ECI2: variants seen among roughly 807,000 people sequenced by gnomAD.
The protein encoded by ECI2 is D3,D2-enoyl-CoA isomerase.
A neutral mutation model predicts 38.4 loss-of-function variants in ECI2; 27 were observed. The observed-to-expected ratio is 0.70, with a 90% CI of 0.52 to 0.97. ECI2 has a LOEUF of 0.97. Among genes scored for constraint, ECI2 ranks in the 50% least tolerant of loss-of-function variants. The probability of loss-of-function intolerance (pLI) is 0.00; values close to 1 mark genes in which losing one functional copy is unlikely to be tolerated. For synonymous variants in ECI2, 168 were observed against 172.0 expected, an observed-to-expected ratio of 0.98 and a Z score of 0.18; for missense variants, 470 against 474.4, an observed-to-expected ratio of 0.99 and a Z score of 0.09.
At chr6:4,128,177 G>T (rs1199044300) in intron 4 of ECI2, among the ~76,000 whole-genome samples, 1 of 151,462 alleles carries the variant, frequency 6.6e-6, no homozygotes, top group Non-Finnish European at 1.5e-5. Context: ...ATGAGGAGGG[G>T]GTTGGAAAGT....
intron 5 of ECI2, among the ~76,000 whole-genome samples, chr6:4,127,501 G>T (rs1024229653): frequency 7.7e-6 from 1 of 129,706 alleles, no homozygotes; most frequent in Non-Finnish European, 1.5e-5. Flanking sequence ...TGCAAACTTT[G>T]CCTTCCAGGT....
chr6:4,124,855 TCTC>T (rs140626753), intron 7 of ECI2: 138 of 316,366 alleles, frequency 4.4e-4, no homozygotes, highest in African/African-American at 2.6e-3. Flanking sequence ...CACAGGTCCT[TCTC>T]CTTCTAAAAT....
intron 4 of ECI2, 93 bp from the exon 5 acceptor site, chr6:4,127,924 C>T (rs1773282164): frequency 1.6e-6 from 2 of 1,215,694 alleles, no homozygotes; most frequent in Admixed American, 2.2e-5. Flanking sequence ...CAAGCTTGCT[C>T]TCAGCAAAGT....
Position 4,117,464 on chromosome 6 carries a change from G to C in ECI2, c.886-13C>G. ...GCATCTCTGTTGCCTGAAATGAAAA[G>C]CAAGAAGCAAGGTTAAGATACTAAC... On this transcript the variant is annotated splice_polypyrimidine_tract_variant and intron_variant, in intron 8 of 9. Coordinates refer to ENST00000380118, the MANE Select transcript of ECI2 (RefSeq NM_206836.3). 1 of 1,608,550 alleles carries C rather than the reference G, an allele frequency of 6.2e-7. No homozygotes were observed. Among genetic ancestry groups the C allele is most frequent in the African/African-American group, 1.3e-5 (1 of 74,478 alleles).
intron 7 of ECI2, among the ~76,000 whole-genome samples, chr6:4,120,218 G>T (rs1222981077): frequency 6.6e-6 from 1 of 152,048 alleles, no homozygotes; most frequent in Non-Finnish European, 1.5e-5. Context: ...TTAACAATGG[G>T]GATATGTTCT....
At chr6:4,127,966 C>T (rs1400606860) in intron 4 of ECI2, 135 bp from the exon 5 acceptor site, 2 of 749,812 alleles carry the variant, frequency 2.7e-6, no homozygotes, top group Non-Finnish European at 4.1e-6. Flanking sequence ...TATTTTATAA[C>T]CAAAAAGGTG....
chr6:4,128,725 A>G (rs142990451), intron 4 of ECI2, among the ~76,000 whole-genome samples: 1 of 152,352 alleles, frequency 6.6e-6, no homozygotes, highest in African/African-American at 2.4e-5. Flanking sequence ...AATTTAATAT[A>G]GCATTTACAT....
Position 4,127,826 on chromosome 6 carries a change from A to T in ECI2, c.507T>A (p.Tyr169Ter). 1 of 1,612,752 alleles carries T rather than the reference A, an allele frequency of 6.2e-7. No homozygotes were observed. Among genetic ancestry groups the T allele is most frequent in the Non-Finnish European group, 8.5e-7 (1 of 1,179,432 alleles). ...CTTTAAGTGCACGCATAATTTCATGATACATCTGTGTAATGGGAAGACAAG... is the reference window on the plus strand; with the variant it reads ...CTTTAAGTGCACGCATAATTTCATGTTACATCTGTGTAATGGGAAGACAAG... The part of the protein sequence containing the change: ...KKKNAINTEM[Y>*]HEIMRALKAA... The change falls in exon 5 of 10, where the codon TAT becomes TAA. Residue 169 changes from tyrosine to a stop codon, truncating the protein, a stop_gained. Coordinates refer to ENST00000380118, the MANE Select transcript of ECI2 (RefSeq NM_206836.3). LOFTEE classifies it high-confidence loss of function.
At position 4,125,305 on chromosome 6, in the gene ECI2, A is replaced by T. The variant is rs1773073571; in HGVS notation, c.740T>A (p.Val247Glu). The T allele has an allele frequency of 3.1e-6, 5 of 1,614,064 alleles. No individual in the cohort carries two copies. The highest frequency in any genetic ancestry group is 4.2e-6 in the Non-Finnish European group (5 of 1,180,034). Residue 247 changes from valine (V) to glutamate (E), a missense_variant, in exon 7 of 10, where the codon GTG becomes GAG. Transcript: ENST00000380118. ...PLIAVVNGPAVGISVTLLGLF... is the reference protein window; with the variant it reads ...PLIAVVNGPAEGISVTLLGLF... ...CCCAAGGAGGGTGACGGAGATGCCC[A>T]CAGCTGGACCATTGACCACTGCAAT...
intron 7 of ECI2, 145 bp from the exon 8 acceptor site, chr6:4,119,420 A>C: frequency 1.8e-6 from 1 of 555,462 alleles, no homozygotes; most frequent in East Asian, 3.3e-5. Context: ...CCTTGGGTTC[A>C]AGCGATTCTC....
chr6:4,123,986 T>C (rs1177139976), intron 7 of ECI2, among the ~76,000 whole-genome samples: 1 of 151,106 alleles, frequency 6.6e-6, no homozygotes, highest in African/African-American at 2.4e-5. Context: ...ATAAGGATGA[T>C]GTATATTGAA....
At chr6:4,134,395 G>A (rs1011116075) in intron 1 of ECI2, among the ~76,000 whole-genome samples, 2 of 152,136 alleles carry the variant, frequency 1.3e-5, no homozygotes, top group African/African-American at 4.8e-5. Context: ...GCCAGGAACA[G>A]AGCAGAAACA....
intron 9 of ECI2, among the ~76,000 whole-genome samples, chr6:4,116,555 C>A (rs1772288265): frequency 6.6e-6 from 1 of 151,690 alleles, no homozygotes; most frequent in African/African-American, 2.4e-5. Context: ...ATTCTCCCTG[C>A]CTCAGCATCC....
chr6:4,133,043 C>T (rs1309255651), intron 2 of ECI2, among the ~76,000 whole-genome samples: 3 of 152,126 alleles, frequency 2.0e-5, no homozygotes, highest in Non-Finnish European at 4.4e-5. Context: ...GGATTACAGG[C>T]GTGAGCCACC....
intron 1 of ECI2, 156 bp downstream of exon 1, chr6:4,135,355 A>C: frequency 6.7e-7 from 1 of 1,490,980 alleles, no homozygotes; most frequent in African/African-American, 1.4e-5. Flanking sequence ...TGAGGTCGTC[A>C]CTTTTTAGCA....
Position 4,133,699 on chromosome 6 carries a change from G to T in ECI2, c.63C>A (p.Val21=), listed in dbSNP as rs765910773. ...ARRSCPSSLQ[V]TSFPVVQLHM... The stretch of plus-strand genomic sequence containing the variant: ...GCAGCTGAACTACCGGGAAACTAGT[G>T]ACCTGCAGAGAACTACAATTAGGCA... Residue 21 remains valine (V), a synonymous_variant, in exon 2 of 10, where the codon GTC becomes GTA. Transcript: ENST00000380118. 1 of 1,607,726 alleles carries T rather than the reference G, an allele frequency of 6.2e-7. No individual in the cohort carries two copies. Among genetic ancestry groups the T allele is most frequent in the South Asian group, 1.1e-5 (1 of 89,450 alleles).
chr6:4,133,945 G>A (rs991028887), intron 1 of ECI2, among the ~76,000 whole-genome samples: 1 of 152,238 alleles, frequency 6.6e-6, no homozygotes, highest in Non-Finnish European at 1.5e-5. Flanking sequence ...TAACCATCCA[G>A]GGAGGTATCT....
chr6:4,130,679 T>C (rs1364257478), intron 3 of ECI2, 88 bp downstream of exon 3: 1 of 1,602,266 alleles, frequency 6.2e-7, no homozygotes, highest in Non-Finnish European at 8.5e-7. Context: ...CATCAAGATC[T>C]TGAAGACTCC....
At chr6:4,127,857 G>A (rs764171881) in intron 4 of ECI2, 26 bp from the exon 5 acceptor site, 1 of 1,598,308 alleles carries the variant, frequency 6.3e-7, no homozygotes, top group South Asian at 1.1e-5. Context: ...ACAAGGAAAA[G>A]AAAAGAACTC....
Sources: allele counts gnomAD v4.1 joint callset (sites outside exome capture counted in the v4.1 genomes callset), GRCh38; gene constraint gnomAD v4.1.1; transcripts MANE v1.5; gene names NCBI Gene and HGNC (gene_info 2026-07-23, HGNC 2026-07-21).